LYPLAL1: variants seen among roughly 807,000 people sequenced by gnomAD.
LYPLAL1 encodes the protein lysophospholipase-like protein 1.
A neutral mutation model predicts 19.7 loss-of-function variants in LYPLAL1; 23 were observed. The ratio of observed to expected loss-of-function variants is 1.17; its 90% CI spans 0.84 to 1.65. The LOEUF (loss-of-function observed/expected upper bound fraction) is 1.65. Ranked by LOEUF, LYPLAL1 falls within the 40% of genes most tolerant of loss-of-function variation. The probability of loss-of-function intolerance (pLI) is 0.00; values close to 1 mark genes in which losing one functional copy is unlikely to be tolerated. For missense variants in LYPLAL1, 355 were observed against 279.4 expected, an observed-to-expected ratio of 1.27 and a Z score of -1.93; for synonymous variants, 119 against 96.3, an observed-to-expected ratio of 1.24 and a Z score of -1.38.
At chr1:219,185,640 C>A (rs1209281075) in intron 2 of LYPLAL1, among the ~76,000 whole-genome samples, 2 of 151,852 alleles carry the variant, frequency 1.3e-5, no homozygotes, top group African/African-American at 4.8e-5. Context: ...TGATCTGGGG[C>A]CTCTCCTATG....
At chr1:219,402,901 A>T in the LYPLAL1 span, among the ~76,000 whole-genome samples, 106 of 152,312 alleles carry the variant, frequency 7.0e-4, no homozygotes, top group African/African-American at 2.4e-3. Context: ...GGGAATATAG[A>T]TATTCCCAGG....
At chr1:219,388,851 G>A in the LYPLAL1 span, among the ~76,000 whole-genome samples, 1 of 152,062 alleles carries the variant, frequency 6.6e-6, no homozygotes, top group Non-Finnish European at 1.5e-5. Context: ...ATTATTACTT[G>A]ATGAGACTAC....
intron 2 of LYPLAL1, 23 bp from the exon 3 acceptor site, chr1:219,193,059 G>GA (rs780717166): frequency 1.1e-5 from 15 of 1,328,362 alleles, no homozygotes; most frequent in Middle Eastern, 2.0e-4. Context: ...CTTTTTTTTT[G>GA]GGGGGGGGCG....
the LYPLAL1 span, among the ~76,000 whole-genome samples, chr1:219,368,161 A>G: frequency 6.6e-6 from 1 of 152,178 alleles, no homozygotes; most frequent in Non-Finnish European, 1.5e-5. Flanking sequence ...TTTTAATACT[A>G]AGGTAGAGTG....
At chr1:219,425,571 A>G in the LYPLAL1 span, among the ~76,000 whole-genome samples, 43 of 152,318 alleles carry the variant, frequency 2.8e-4, no homozygotes, top group Admixed American at 1.7e-3. Flanking sequence ...TTAATCCTCA[A>G]TTGCCTCACT....
At chr1:219,352,177 T>C in the LYPLAL1 span, among the ~76,000 whole-genome samples, 4 of 152,194 alleles carry the variant, frequency 2.6e-5, no homozygotes, top group South Asian at 8.3e-4. Context: ...TGATTTTACT[T>C]AGCTCAGTGA....
intron 2 of LYPLAL1, chr1:219,179,480 CTG>C (rs1656091638): frequency 7.1e-6 from 3 of 420,718 alleles, no homozygotes; most frequent in Admixed American, 9.2e-5. Context: ...TGAATTTAAA[CTG>C]TGTCCCAAGC....
chr1:219,357,644 C>T, the LYPLAL1 span, among the ~76,000 whole-genome samples: 1 of 152,064 alleles, frequency 6.6e-6, no homozygotes, highest in African/African-American at 2.4e-5. Flanking sequence ...TTGGTGATGT[C>T]TTATAAAACT....
At chr1:219,382,461 G>A in the LYPLAL1 span, among the ~76,000 whole-genome samples, 1 of 152,140 alleles carries the variant, frequency 6.6e-6, no homozygotes, top group Admixed American at 6.5e-5. Context: ...CCGGGGTCAC[G>A]TCATTCTCCT....
At chr1:219,441,926 C>G in the LYPLAL1 span, among the ~76,000 whole-genome samples, 1 of 152,100 alleles carries the variant, frequency 6.6e-6, no homozygotes. Flanking sequence ...TGTCCCATCC[C>G]CACTGCAAAG....
the LYPLAL1 span, among the ~76,000 whole-genome samples, chr1:219,250,305 TG>T: frequency 6.6e-6 from 1 of 151,974 alleles, no homozygotes; most frequent in Admixed American, 6.6e-5. Flanking sequence ...CTGTTACCCT[TG>T]TTGTAATCTT....
At chr1:219,223,426 G>T in the LYPLAL1 span, among the ~76,000 whole-genome samples, 10 of 152,132 alleles carry the variant, frequency 6.6e-5, no homozygotes, top group Admixed American at 4.6e-4. Context: ...TCTAGCCCTT[G>T]AGTACTTTAG....
In LYPLAL1 at chr1:219,193,152, C is replaced by A; in HGVS notation, c.262C>A (p.Pro88Thr). Residue 88 changes from proline to threonine, a missense_variant, in exon 3 of 5, where the codon CCA (proline) becomes ACA (threonine). Transcript: ENST00000366928. ...FDRFKITNDC[P>T]EHLESIDVMC... ...CAGATTTAAAATAACCAATGACTGC[C>A]CAGAACACCTTGAATCAATTGATGT... 6.2e-7 allele frequency: 1 copy of A among 1,610,276 alleles called. No individual in the cohort carries two copies. Among genetic ancestry groups the A allele is most frequent in the East Asian group, 2.2e-5 (1 of 44,696 alleles).
chr1:219,444,927 C>T, the LYPLAL1 span, among the ~76,000 whole-genome samples: 1 of 152,086 alleles, frequency 6.6e-6, no homozygotes, highest in Admixed American at 6.5e-5. Flanking sequence ...AATTTACTCA[C>T]ACAGAACACA....
At chr1:219,374,501 A>G in the LYPLAL1 span, among the ~76,000 whole-genome samples, 4 of 152,210 alleles carry the variant, frequency 2.6e-5, no homozygotes, top group African/African-American at 9.6e-5. Context: ...AGAATTCTGG[A>G]CAGAAATATT....
At chr1:219,292,404 G>A in the LYPLAL1 span, among the ~76,000 whole-genome samples, 2 of 152,196 alleles carry the variant, frequency 1.3e-5, no homozygotes, top group Non-Finnish European at 2.9e-5. Context: ...GCTGAGTCCT[G>A]CCCATGCTAC....
chr1:219,339,400 T>C, the LYPLAL1 span, among the ~76,000 whole-genome samples: 3 of 152,062 alleles, frequency 2.0e-5, no homozygotes, highest in Non-Finnish European at 4.4e-5. Flanking sequence ...ATAATAGCTA[T>C]GAGAAAGTTT....
intron 3 of LYPLAL1, among the ~76,000 whole-genome samples, chr1:219,199,498 A>G (rs985261185): frequency 1.3e-5 from 2 of 151,506 alleles, no homozygotes; most frequent in African/African-American, 4.9e-5. Context: ...GCTGGAGTGC[A>G]GTGGCAAGAT....
the LYPLAL1 span, chr1:219,410,041 G>A: frequency 6.6e-6 from 1 of 152,170 alleles, no homozygotes; most frequent in Non-Finnish European, 1.5e-5. Flanking sequence ...ATTGGCCAAT[G>A]TCCTATGTAT....
Sources: gnomAD v4.1 joint callset for allele counts (sites outside exome capture counted in the v4.1 genomes callset) on GRCh38, gnomAD v4.1.1 for gene constraint, MANE v1.5 for transcripts, NCBI Gene and HGNC (gene_info 2026-07-23, HGNC 2026-07-21) for gene names.